The following HECW1 variants were observed in gnomAD, a reference collection of about 807,000 sequenced individuals.
The protein encoded by HECW1 is E3 ubiquitin-protein ligase HECW1.
A neutral mutation model predicts 182.3 loss-of-function variants in HECW1; 61 were observed. The observed-to-expected ratio is 0.33, with a 90% CI of 0.27 to 0.41. The LOEUF (loss-of-function observed/expected upper bound fraction) is 0.41. Among genes scored for constraint, HECW1 ranks in the 10% least tolerant of loss-of-function variants. The pLI is 1.00. For synonymous variants in HECW1, 859 were observed against 832.6 expected, an observed-to-expected ratio of 1.03 and a Z score of -0.55; for missense variants, 1,739 against 2,108.9, an observed-to-expected ratio of 0.82 and a Z score of 3.44.
rs2077662252 is a variant in HECW1 at position 43,463,668 on chromosome 7, A to G, written c.2660A>G (p.Asn887Ser). Residue 887 changes from asparagine (N) to serine (S), a missense_variant, in exon 14 of 30, where the codon AAC becomes AGC. Physicochemically the swap from Asn to Ser is conservative, Grantham distance 46. Transcript: ENST00000395891. ...CATTTTCTAATGCAAAGGTATCAAA[A>G]CATTCAGCGAACCATTGCAACAGAG... ...QMEQLNRRYQ[N>S]IQRTIATERS... The G allele has an allele frequency of 6.2e-7, 1 of 1,613,628 alleles. No homozygotes were observed. Among genetic ancestry groups the G allele is most frequent in the South Asian group, 1.1e-5 (1 of 91,056 alleles).
chr7:43,392,337 A>G (rs1471325259), intron 6 of HECW1, among the ~76,000 whole-genome samples: 1 of 152,226 alleles, frequency 6.6e-6, no homozygotes, highest in Non-Finnish European at 1.5e-5. Context: ...TAATGTGGCC[A>G]CACTCCTATT....
chr7:43,234,768 G>A (rs1798170704), intron 2 of HECW1, among the ~76,000 whole-genome samples: 1 of 152,230 alleles, frequency 6.6e-6, no homozygotes, highest in East Asian at 1.9e-4. Flanking sequence ...CCACAGCCAG[G>A]GCCTGTAGGC....
intron 12 of HECW1, among the ~76,000 whole-genome samples, chr7:43,454,726 C>A (rs1338236209): frequency 6.6e-6 from 1 of 151,944 alleles, no homozygotes; most frequent in East Asian, 1.9e-4. Context: ...CATAAATATG[C>A]CAAATATATT....
chr7:43,359,445 G>T (rs1182043472), intron 5 of HECW1, among the ~76,000 whole-genome samples: 1 of 152,158 alleles, frequency 6.6e-6, no homozygotes, highest in African/African-American at 2.4e-5. Flanking sequence ...AAAAGTAATT[G>T]ATTTTCAGAG....
intron 14 of HECW1, among the ~76,000 whole-genome samples, chr7:43,464,168 A>G (rs1423226747): frequency 1.3e-5 from 2 of 152,214 alleles, no homozygotes; most frequent in African/African-American, 2.4e-5. Context: ...ATTTATTTAT[A>G]AGTTATTGTT....
intron 6 of HECW1, among the ~76,000 whole-genome samples, chr7:43,379,729 T>TC (rs1562909555): frequency 2.6e-5 from 4 of 151,860 alleles, no homozygotes; most frequent in African/African-American, 4.8e-5. Flanking sequence ...ATTCACTCCC[T>TC]CCCCCCATTT....
intron 26 of HECW1, 102 bp downstream of exon 26, chr7:43,542,100 A>AG (rs2081382475): frequency 9.6e-7 from 1 of 1,036,910 alleles, no homozygotes; most frequent in Non-Finnish European, 1.3e-6. Context: ...TGTAGACTTC[A>AG]GTGCTTCAGT....
chr7:43,368,390 C>T (rs1816907375), intron 6 of HECW1, among the ~76,000 whole-genome samples: 2 of 152,184 alleles, frequency 1.3e-5, no homozygotes, highest in South Asian at 4.1e-4. Context: ...AAATTTAACC[C>T]AGAATATAGT....
intron 2 of HECW1, among the ~76,000 whole-genome samples, chr7:43,141,697 C>A (rs1043963301): frequency 6.6e-6 from 1 of 152,092 alleles, no homozygotes; most frequent in African/African-American, 2.4e-5. Context: ...AGGGTTTCTC[C>A]ATGTTGGTCA....
At chr7:43,331,254 C>A (rs1022364169) in intron 5 of HECW1, among the ~76,000 whole-genome samples, 5 of 151,658 alleles carry the variant, frequency 3.3e-5, no homozygotes, top group Non-Finnish European at 5.9e-5. Flanking sequence ...TCTGTCCTTG[C>A]GATAGTTTGC....
At position 43,225,306 on chromosome 7, in the gene HECW1, G is replaced by T. The variant is rs139086638; in HGVS notation, c.-31-18569G>T. On this transcript the variant is annotated intron_variant, in intron 2 of 29. Coordinates refer to ENST00000395891, the MANE Select transcript of HECW1 (RefSeq NM_015052.5). ...TAAAAATAGGTGAACTGCACAGATG[G>T]TGGGAGAATCAACTCTTCCCTTCCC... is the stretch of plus-strand genomic sequence containing the variant. Among the ~76,000 whole-genome samples the T allele has an allele frequency of 3.7e-3, 569 of 152,130 alleles. 2 individuals carry two copies. The highest frequency in any genetic ancestry group is 0.013 in the African/African-American group (545 of 41,506).
chr7:43,225,003 T>A (rs143489857), intron 2 of HECW1, among the ~76,000 whole-genome samples: 2 of 152,238 alleles, frequency 1.3e-5, no homozygotes, highest in East Asian at 3.9e-4. Context: ...ACTCGGGGCC[T>A]ATTGAGTGTT....
chr7:43,442,557 C>A lies in HECW1; in HGVS notation c.973C>A (p.Arg325Ser). The change falls in exon 10 of 30, where the codon CGC (arginine) becomes AGC (serine). Residue 325 changes from arginine (R) to serine (S), a missense_variant. Transcript: ENST00000395891. ...GDRVVSYTLG[R>S]RLPTDHVSGQ... ...TAGGGTGGTCAGCTACACACTTGGC[C>A]GCAGGCTTCCAACAGATCATGTGAG... is the stretch of plus-strand genomic sequence containing the variant. 6.2e-7 allele frequency: 1 copy of A among 1,613,746 alleles called. No individual in the cohort carries two copies. The highest frequency in any genetic ancestry group is 1.1e-5 in the South Asian group (1 of 91,032).
At chr7:43,541,094 A>G in intron 24 of HECW1, 69 bp from the exon 25 acceptor site, 1 of 1,236,266 alleles carries the variant, frequency 8.1e-7, no homozygotes, top group Admixed American at 1.7e-5. Flanking sequence ...ATCAAATAAA[A>G]GTGCAAACTA....
At chr7:43,354,398 C>T (rs573273156) in intron 5 of HECW1, among the ~76,000 whole-genome samples, 105 of 151,932 alleles carry the variant, frequency 6.9e-4, no homozygotes, top group Non-Finnish European at 1.0e-3. Context: ...ACAAACTCAG[C>T]GATCTCCAAG....
At chr7:43,552,378 G>T in intron 28 of HECW1, 42 bp downstream of exon 28, 1 of 1,187,406 alleles carries the variant, frequency 8.4e-7, no homozygotes, top group Non-Finnish European at 1.3e-6. Context: ...ATCACAAATA[G>T]AACTCAGCAC....
chr7:43,355,201 C>CA, intron 5 of HECW1, among the ~76,000 whole-genome samples: 2 of 151,908 alleles, frequency 1.3e-5, no homozygotes, highest in South Asian at 4.2e-4. Context: ...AAAACAAAAA[C>CA]AAAAAACACT....
In HECW1 at chr7:43,350,452, A is replaced by T. The variant is rs114695618; in HGVS notation, c.461-10434A>T. On this transcript the variant is annotated intron_variant, in intron 5 of 29. Transcript: ENST00000395891. Reference sequence around the variant, plus strand: ...AAGTTTTCCTCAATTATTCCCCCAAATGTTTTCCAGGCTTTTAGAATTCTA... The same window carrying T: ...AAGTTTTCCTCAATTATTCCCCCAATTGTTTTCCAGGCTTTTAGAATTCTA... 3.5e-3 allele frequency among the ~76,000 whole-genome samples: 529 copies of T among 152,168 alleles called. 1 individual carries two copies. Among genetic ancestry groups the T allele is most frequent in the African/African-American group, 0.012 (515 of 41,514 alleles).
intron 24 of HECW1, among the ~76,000 whole-genome samples, chr7:43,531,166 T>C (rs1383725846): frequency 6.6e-6 from 1 of 152,248 alleles, no homozygotes; most frequent in Non-Finnish European, 1.5e-5. Context: ...GGAAAGCCTT[T>C]CCCTGTCCTC....
Sources: allele counts gnomAD v4.1 joint callset (sites outside exome capture counted in the v4.1 genomes callset), GRCh38; gene constraint gnomAD v4.1.1; transcripts MANE v1.5; gene names NCBI Gene and HGNC (gene_info 2026-07-23, HGNC 2026-07-21).